The following PRKD3 variants were observed in gnomAD, a reference collection of about 807,000 sequenced individuals.
PRKD3 encodes serine/threonine-protein kinase D3.
PRKD3 carries 47 observed loss-of-function variants against 99.2 expected under a neutral mutation model. The observed-to-expected ratio is 0.47, with a 90% CI of 0.38 to 0.60. The LOEUF (loss-of-function observed/expected upper bound fraction) is 0.60, where lower values mean the gene tolerates loss of function less well. Among genes scored for constraint, PRKD3 ranks in the 20% least tolerant of loss-of-function variants. The probability of loss-of-function intolerance (pLI) is 0.00; values close to 1 mark genes in which losing one functional copy is unlikely to be tolerated. For synonymous variants in PRKD3, 392 were observed against 355.4 expected (o/e 1.10, Z -1.16); for missense variants, 1,019 against 1,088.4 (o/e 0.94, Z 0.90).
intron 2 of PRKD3, among the ~76,000 whole-genome samples, chr2:37,297,802 C>G (rs1349545831): frequency 6.6e-6 from 1 of 152,152 alleles, no homozygotes; most frequent in Non-Finnish European, 1.5e-5. Context: ...TTGCACTCTA[C>G]CAAGGGCACC....
intron 1 of PRKD3, 98 bp from the exon 2 acceptor site, chr2:37,317,277 A>C (rs1004167635): frequency 1.2e-5 from 6 of 498,704 alleles, no homozygotes; most frequent in Non-Finnish European, 1.6e-5. Flanking sequence ...ATTTTTGGTC[A>C]TATGCTTATA....
intron 5 of PRKD3, among the ~76,000 whole-genome samples, chr2:37,287,294 C>G (rs1300763984): frequency 1.6e-5 from 2 of 125,640 alleles, no homozygotes; most frequent in Non-Finnish European, 3.4e-5. Context: ...AAGAAAAATA[C>G]CTGCCTACAC....
chr2:37,307,390 A>C (rs1470362732), intron 2 of PRKD3, among the ~76,000 whole-genome samples: 1 of 152,226 alleles, frequency 6.6e-6, no homozygotes, highest in East Asian at 1.9e-4. Context: ...CAAGCTCTAC[A>C]AACTAATTAT....
chr2:37,323,675 T>TA lies in PRKD3; in HGVS notation c.-656+1005dup, dbSNP rs201781205. 2.1e-3 allele frequency among the ~76,000 whole-genome samples: 320 copies of TA among 151,272 alleles called. 2 individuals are homozygous for TA. The highest frequency in any genetic ancestry group is 7.0e-3 in the African/African-American group (287 of 41,172). Reference sequence around the variant, plus strand: ...AGAACGACGACATTAAGTAGAAGGGTAAAAAAAAAGTTTCAGAGGAATAAA... The same window carrying TA: ...AGAACGACGACATTAAGTAGAAGGGTAAAAAAAAAAGTTTCAGAGGAATAAA... On this transcript the variant is annotated intron_variant, in intron 1 of 18. Transcript: ENST00000234179.
At chr2:37,291,603 G>A (rs1327090426) in intron 3 of PRKD3, among the ~76,000 whole-genome samples, 3 of 152,200 alleles carry the variant, frequency 2.0e-5, no homozygotes, top group Non-Finnish European at 4.4e-5. Flanking sequence ...GACAGGGAGT[G>A]AAACTCCTCA....
chr2:37,264,892 CCAAGAGCT>C (rs1260166810), intron 14 of PRKD3, among the ~76,000 whole-genome samples: 1 of 152,136 alleles, frequency 6.6e-6, no homozygotes, highest in African/African-American at 2.4e-5. Context: ...AAGCCTGTCA[CCAAGAGCT>C]CAAGAGATTG....
At chr2:37,317,499 A>G (rs1216785826) in intron 1 of PRKD3, among the ~76,000 whole-genome samples, 2 of 152,218 alleles carry the variant, frequency 1.3e-5, no homozygotes, top group Admixed American at 6.5e-5. Context: ...TGACTGAGTT[A>G]TATCAAAAAC....
At chr2:37,307,105 T>C (rs1671201819) in intron 2 of PRKD3, among the ~76,000 whole-genome samples, 1 of 152,174 alleles carries the variant, frequency 6.6e-6, no homozygotes, top group African/African-American at 2.4e-5. Context: ...CACTAGATGC[T>C]GGAAGCCCCC....
At chr2:37,261,400 T>A (rs1051811817) in intron 14 of PRKD3, among the ~76,000 whole-genome samples, 4 of 151,630 alleles carry the variant, frequency 2.6e-5, no homozygotes, top group African/African-American at 9.7e-5. Flanking sequence ...GGCAGGAGAA[T>A]CACTTGAACC....
chr2:37,295,451 G>A (rs912531986), intron 2 of PRKD3, among the ~76,000 whole-genome samples: 16 of 152,168 alleles, frequency 1.1e-4, no homozygotes, highest in South Asian at 2.1e-4. Context: ...AATGGAAGAC[G>A]GTAAGTGGAG....
chr2:37,303,679 T>C lies in PRKD3; in HGVS notation c.289-10408A>G, dbSNP rs79936213. 4.0e-3 allele frequency among the ~76,000 whole-genome samples: 611 copies of C among 152,202 alleles called. 4 individuals are homozygous for C. The highest frequency in any genetic ancestry group is 6.6e-3 in the Non-Finnish European group (451 of 68,014). ...ACAGGGTACCCCGTCCCAAGTCCGA[T>C]GAAGAGGTCAAGAAAAATCCTACAT... On this transcript the variant is annotated intron_variant, in intron 2 of 18. Transcript: ENST00000234179.
At chr2:37,313,183 T>C (rs1396063210) in intron 2 of PRKD3, among the ~76,000 whole-genome samples, 1 of 152,148 alleles carries the variant, frequency 6.6e-6, no homozygotes, top group Non-Finnish European at 1.5e-5. Flanking sequence ...CTGTCACAGC[T>C]ACTCAACTCT....
At chr2:37,260,414 A>C (rs1321578473) in intron 14 of PRKD3, 30 bp from the exon 15 acceptor site, 13 of 1,574,512 alleles carry the variant, frequency 8.3e-6, no homozygotes, top group Non-Finnish European at 9.6e-6. Flanking sequence ...TACATGAGCA[A>C]CTTAAGCAGA....
chr2:37,286,491 T>C (rs1243690896), intron 5 of PRKD3, 122 bp from the exon 6 acceptor site: 6 of 765,230 alleles, frequency 7.8e-6, no homozygotes, highest in Non-Finnish European at 1.2e-5. Flanking sequence ...AAAAATGTTG[T>C]TCTCAGCAGT....
At chr2:37,304,196 TAAAAAA>T (rs70949750) in intron 2 of PRKD3, among the ~76,000 whole-genome samples, 1 of 93,972 alleles carries the variant, frequency 1.1e-5, no homozygotes, top group Non-Finnish European at 2.1e-5. Context: ...AGGTACTTAC[TAAAAAA>T]AAAAAAAAAA....
intron 1 of PRKD3, among the ~76,000 whole-genome samples, chr2:37,323,112 G>A (rs1423147968): frequency 6.6e-6 from 1 of 151,728 alleles, no homozygotes; most frequent in East Asian, 1.9e-4. Flanking sequence ...GAAGTTCTGT[G>A]TGTGTGGCAG....
At chr2:37,323,810 T>G (rs764842151) in intron 1 of PRKD3, among the ~76,000 whole-genome samples, 2 of 152,228 alleles carry the variant, frequency 1.3e-5, no homozygotes, top group African/African-American at 2.4e-5. Context: ...GTGTAACTTA[T>G]CCTTCCTAAT....
intron 1 of PRKD3, among the ~76,000 whole-genome samples, chr2:37,319,312 G>A (rs949155524): frequency 6.6e-6 from 1 of 152,144 alleles, no homozygotes; most frequent in Non-Finnish European, 1.5e-5. Context: ...TTGCTGCTCT[G>A]TGTCACCTTA....
chr2:37,288,887 C>G (rs191756593), intron 5 of PRKD3, among the ~76,000 whole-genome samples: 1 of 152,104 alleles, frequency 6.6e-6, no homozygotes, highest in African/African-American at 2.4e-5. Context: ...AACCTCATCT[C>G]TACTAAACAT....
Sources: allele counts gnomAD v4.1 joint callset (sites outside exome capture counted in the v4.1 genomes callset), GRCh38; gene constraint gnomAD v4.1.1; transcripts MANE v1.5; gene names NCBI Gene and HGNC (gene_info 2026-07-23, HGNC 2026-07-21).